The following TULP4 variants were observed in gnomAD, a reference collection of about 807,000 sequenced individuals.
TULP4 encodes the protein tubby-related protein 4.
Under a neutral mutation model 129.0 loss-of-function variants are expected in TULP4, and 16 were observed. The ratio of observed to expected loss-of-function variants is 0.12; its 90% CI spans 0.08 to 0.19. The LOEUF (loss-of-function observed/expected upper bound fraction) is 0.19, where lower values mean the gene tolerates loss of function less well. Among genes scored for constraint, TULP4 ranks in the 10% least tolerant of loss-of-function variants. The pLI is 1.00. For synonymous variants in TULP4, 998 were observed against 854.0 expected (o/e 1.17, Z -2.94); for missense variants, 1,842 against 2,059.1 (o/e 0.89, Z 2.04).
chr6:158,306,810 C>CA (rs1779223406), intron 1 of TULP4, among the ~76,000 whole-genome samples: 1 of 152,024 alleles, frequency 6.6e-6, no homozygotes, highest in Non-Finnish European at 1.5e-5. Flanking sequence ...ACTTGAGCCT[C>CA]GGAGTTCGAG....
intron 1 of TULP4, among the ~76,000 whole-genome samples, chr6:158,264,516 C>T (rs1237970435): frequency 6.6e-6 from 1 of 152,020 alleles, no homozygotes; most frequent in Non-Finnish European, 1.5e-5. Flanking sequence ...TGTAGTATGA[C>T]ATCTTACTGG....
At position 158,461,533 on chromosome 6, in the gene TULP4, C is replaced by T. The variant is rs372251075; in HGVS notation, c.860-30C>T. ...GTGGCAGTTTGAGGAGGGCTGTGTC[C>T]TTGTGCTGACCCTCTCTCCTCTGTT... On this transcript the variant is annotated intron_variant, in intron 5 of 13. Coordinates refer to ENST00000367097, the MANE Select transcript of TULP4 (RefSeq NM_020245.5). 3.7e-6 allele frequency: 6 copies of T among 1,604,798 alleles called. No individual in the cohort carries two copies. The African/African-American group carries it at 8.0e-5, about 21-fold the overall frequency.
chr6:158,275,015 G>A (rs9347176), intron 1 of TULP4, among the ~76,000 whole-genome samples: 1 of 152,106 alleles, frequency 6.6e-6, no homozygotes, highest in Non-Finnish European at 1.5e-5. Context: ...AGTTTGATCA[G>A]TGTAGAAAGA....
chr6:158,334,441 A>T (rs1186371145), intron 1 of TULP4, among the ~76,000 whole-genome samples: 2 of 152,234 alleles, frequency 1.3e-5, no homozygotes, highest in African/African-American at 4.8e-5. Context: ...CTTTATTGTA[A>T]GAATATGGTA....
intron 1 of TULP4, among the ~76,000 whole-genome samples, chr6:158,275,450 A>G (rs1778627973): frequency 6.6e-6 from 1 of 152,212 alleles, no homozygotes; most frequent in Non-Finnish European, 1.5e-5. Flanking sequence ...AAGGTCCCAC[A>G]CTGACCCTCA....
upstream of TULP4, chr6:158,312,242 G>A: frequency 2.5e-6 from 1 of 397,326 alleles, no homozygotes; most frequent in Non-Finnish European, 4.4e-6. Flanking sequence ...TACAACTGAT[G>A]AAAATTAATT....
In TULP4 at chr6:158,374,806, AT is replaced by A. The variant is rs1777149886; in HGVS notation, c.253-38254del. On this transcript the variant is annotated intron_variant, in intron 1 of 13. Transcript: ENST00000367097. ...ATGAATGGTACCTCCTGGGACTCAT[AT>A]TTTTGTTTTAAAACAGGTTTGAAAT... Among the ~76,000 whole-genome samples, 4 of 152,174 alleles carry A rather than the reference AT, an allele frequency of 2.6e-5. No individual in the cohort carries two copies. The South Asian group carries it at 8.3e-4, about 31-fold the overall frequency.
In TULP4 at chr6:158,502,755, C is replaced by T. The variant is rs754568549; in HGVS notation, c.3092C>T (p.Pro1031Leu). Residue 1031 changes from proline (P) to leucine (L), a missense_variant, in exon 13 of 14, where the codon CCA (proline) becomes CTA (leucine). By Grantham distance (98) the Pro-to-Leu change is moderately conservative (BLOSUM62 -3). Around this residue, in one of 5 missense-constraint regions of TULP4, gnomAD observed 1,089 missense variants for 987.1 expected, o/e 1.10. Coordinates refer to ENST00000367097, the MANE Select transcript of TULP4 (RefSeq NM_020245.5). Reference sequence around the variant, plus strand: ...GTGACACAGCTCCCAGCGCGGCCCCCACCTGCCCTGTACACCTGCAGTCAG... The same window carrying T: ...GTGACACAGCTCCCAGCGCGGCCCCTACCTGCCCTGTACACCTGCAGTCAG... ...GVVTQLPARP[P>L]PALYTCSQCS... The T allele has an allele frequency of 5.0e-6, 8 of 1,597,412 alleles. No individual in the cohort carries two copies. Among genetic ancestry groups the T allele is most frequent in the South Asian group, 3.3e-5 (3 of 90,514 alleles).
chr6:158,494,922 T>C, intron 11 of TULP4, 76 bp downstream of exon 11: 2 of 1,240,808 alleles, frequency 1.6e-6, no homozygotes, highest in Non-Finnish European at 2.3e-6. Context: ...TTTAGTGGCT[T>C]AAACTAGGAG....
At chr6:158,346,571 A>G (rs895155798) in intron 1 of TULP4, among the ~76,000 whole-genome samples, 9 of 152,218 alleles carry the variant, frequency 5.9e-5, no homozygotes, top group African/African-American at 2.2e-4. Flanking sequence ...ATGCTGATAT[A>G]TGGATTATTC....
At chr6:158,330,460 G>A (rs1395899820) in intron 1 of TULP4, among the ~76,000 whole-genome samples, 1 of 152,156 alleles carries the variant, frequency 6.6e-6, no homozygotes, top group Non-Finnish European at 1.5e-5. Context: ...TCTGTCCTTT[G>A]CACTTCCATG....
intron 13 of TULP4, among the ~76,000 whole-genome samples, chr6:158,504,689 C>T (rs147618666): frequency 4.6e-5 from 7 of 151,442 alleles, no homozygotes; most frequent in Non-Finnish European, 7.4e-5. Context: ...GGGAGTCTCA[C>T]TGTGTTGTCT....
chr6:158,351,131 C>T (rs536953955), intron 1 of TULP4, among the ~76,000 whole-genome samples: 79 of 152,270 alleles, frequency 5.2e-4, no homozygotes, highest in African/African-American at 1.6e-3. Context: ...GGATACTTTG[C>T]ATTGCATTTT....
At chr6:158,243,729 A>G (rs1195664522) in intron 1 of TULP4, among the ~76,000 whole-genome samples, 2 of 152,000 alleles carry the variant, frequency 1.3e-5, no homozygotes, top group African/African-American at 4.8e-5. Flanking sequence ...TTCATCAGGA[A>G]GTCTTCTTTC....
At chr6:158,236,436 T>C (rs1229098760) in intron 1 of TULP4, among the ~76,000 whole-genome samples, 1 of 152,242 alleles carries the variant, frequency 6.6e-6, no homozygotes, top group African/African-American at 2.4e-5. Context: ...AGCAGATCTT[T>C]TTTTCTTTAC....
chr6:158,249,302 T>G (rs1778093753), intron 1 of TULP4, among the ~76,000 whole-genome samples: 1 of 148,346 alleles, frequency 6.7e-6, no homozygotes, highest in African/African-American at 2.4e-5. Flanking sequence ...GTTGCCTGAA[T>G]AATGAAATAA....
Position 158,493,859 on chromosome 6 carries a change from C to T in TULP4, c.1776+142C>T. The T allele has an allele frequency of 1.1e-6, 1 of 929,054 alleles. No homozygotes were observed. The highest frequency in any genetic ancestry group is 1.5e-6 in the Non-Finnish European group (1 of 665,566). 57.6% of individuals were successfully genotyped at this position (929,054 alleles called of 1,614,324 possible). On this transcript the variant is annotated intron_variant, in intron 10 of 13. Coordinates refer to ENST00000367097, the MANE Select transcript of TULP4 (RefSeq NM_020245.5). The surrounding 1 kb of genome is among the most constrained non-coding windows in gnomAD (Gnocchi z 4.4). ...TCCACATCCTGCACACCACCTACTACCTCAGGAGTAGCCCTCAGGTGGAGC... is the reference window on the plus strand; with the variant it reads ...TCCACATCCTGCACACCACCTACTATCTCAGGAGTAGCCCTCAGGTGGAGC...
rs546827547 is a variant in TULP4 at position 158,387,699 on chromosome 6, C to T, written c.253-25366C>T. ...TGCACACACACATACATTGTGGCTTCTTTTTTTTCTTAACTTAAAGCTAAT... is the reference window on the plus strand; with the variant it reads ...TGCACACACACATACATTGTGGCTTTTTTTTTTTCTTAACTTAAAGCTAAT... On this transcript the variant is annotated intron_variant, in intron 1 of 13. Coordinates refer to ENST00000367097, the MANE Select transcript of TULP4 (RefSeq NM_020245.5). Among the ~76,000 whole-genome samples the T allele has an allele frequency of 2.5e-3, 377 of 152,000 alleles. 5 individuals carry two copies. Among genetic ancestry groups the T allele is most frequent in the African/African-American group, 8.8e-3 (364 of 41,478 alleles).
chr6:158,503,785 C>T lies in TULP4; in HGVS notation c.4122C>T (p.Ser1374=). The change falls in exon 13 of 14, where the codon AGC becomes AGT. Residue 1374 remains serine, a synonymous_variant. Transcript: ENST00000367097. This position sits in a 1 kb window ranked among gnomAD's most constrained non-coding sequence, Gnocchi z 4.3. The stretch of plus-strand genomic sequence containing the variant: ...GTGACTTTAATTCCCTAATCTCCAG[C>T]CCACACCTGGGGAGAGAGAAGAAGA... The part of the protein sequence containing the change: ...TLSDFNSLIS[S]PHLGREKKKV... 6.2e-7 allele frequency: 1 copy of T among 1,614,102 alleles called. No individual in the cohort carries two copies. Among genetic ancestry groups the T allele is most frequent in the Non-Finnish European group, 8.5e-7 (1 of 1,180,036 alleles).
Sources: gnomAD v4.1 joint callset for allele counts (sites outside exome capture counted in the v4.1 genomes callset) on GRCh38, gnomAD v4.1.1 for gene constraint, gnomAD v4.1.1 regional missense constraint, Gnocchi (gnomAD v3.1) non-coding constraint, MANE v1.5 for transcripts, NCBI Gene and HGNC (gene_info 2026-07-23, HGNC 2026-07-21) for gene names.